The following PRKN variants were observed in gnomAD, a reference collection of about 807,000 sequenced individuals.
PRKN encodes the protein E3 ubiquitin-protein ligase parkin.
A neutral mutation model predicts 59.5 loss-of-function variants in PRKN; 56 were observed. That is an observed-to-expected ratio of 0.94 (90% CI 0.76 to 1.18). PRKN has a LOEUF of 1.18. Ranked by LOEUF, PRKN falls within the 50% of genes most tolerant of loss-of-function variation. The pLI is 0.00. For missense variants in PRKN, 657 were observed against 596.4 expected (o/e 1.10, Z -1.06); for synonymous variants, 250 against 222.1 (o/e 1.13, Z -1.12).
Position 161,550,723 on chromosome 6 carries a change from A to ATGTGTGTGTGTGCACG in PRKN, c.934-1736_934-1721dup, listed in dbSNP as rs1554275141. Reference sequence around the variant, plus strand: ...GGACAACTGTGGTAGAAGAAAGGGTATGTGTGTGTGTGCACGTGTGTGTGT... The same window carrying ATGTGTGTGTGTGCACG: ...GGACAACTGTGGTAGAAGAAAGGGTATGTGTGTGTGTGCACGTGTGTGTGTGTGCACGTGTGTGTGT... On this transcript the variant is annotated intron_variant, in intron 8 of 11. Coordinates refer to ENST00000366898, the MANE Select transcript of PRKN (RefSeq NM_004562.3). The surrounding 1 kb of genome is among the most constrained non-coding windows in gnomAD (Gnocchi z 4.0). Among the ~76,000 whole-genome samples the ATGTGTGTGTGTGCACG allele has an allele frequency of 6.7e-4, 80 of 119,350 alleles. 1 individual carries two copies. Among genetic ancestry groups the ATGTGTGTGTGTGCACG allele is most frequent in the Middle Eastern group, 4.2e-3 (1 of 240 alleles). The allele number at this position is 119,350 out of a possible 152,430, so 78.3% of individuals were successfully genotyped here.
chr6:162,218,818 C>T (rs1174920935), intron 3 of PRKN, among the ~76,000 whole-genome samples: 3 of 152,016 alleles, frequency 2.0e-5, no homozygotes, highest in Non-Finnish European at 4.4e-5. Context: ...TCCGTGGCAG[C>T]GAATTAAAGA....
chr6:162,685,388 AG>A, intron 1 of PRKN, among the ~76,000 whole-genome samples: 1 of 152,264 alleles, frequency 6.6e-6, no homozygotes, highest in East Asian at 1.9e-4. Context: ...TATTCAGAAA[AG>A]TATATATTTT....
At chr6:161,897,772 G>C (rs1300032554) in intron 6 of PRKN, among the ~76,000 whole-genome samples, 1 of 150,868 alleles carries the variant, frequency 6.6e-6, no homozygotes, top group Non-Finnish European at 1.5e-5. Context: ...ACGAGGTCAG[G>C]AGATCGAGAC....
At chr6:161,833,240 G>GA (rs199760391) in intron 6 of PRKN, among the ~76,000 whole-genome samples, 5,347 of 152,214 alleles carry the variant, frequency 0.035, 307 homozygotes, top group African/African-American at 0.12. Flanking sequence ...GTGATCCCTG[G>GA]AATGGGGCAC....
rs1778996598 is a variant in PRKN, at chr6:161,525,802, T to A, written c.1083+23052A>T. Among the ~76,000 whole-genome samples, 3 of 152,204 alleles carry A rather than the reference T, an allele frequency of 2.0e-5. No homozygotes were observed. Among genetic ancestry groups the A allele is most frequent in the African/African-American group, 7.2e-5 (3 of 41,458 alleles). On this transcript the variant is annotated intron_variant, in intron 9 of 11. Transcript: ENST00000366898. This position sits in a 1 kb window ranked among gnomAD's most constrained non-coding sequence, Gnocchi z 4.7. ...AATTATAGATGCTAAAAATGTTCTG[T>A]ATACTACTTGGCTATAGAATAGCCT...
chr6:162,288,097 G>A (rs1299758687), intron 2 of PRKN, among the ~76,000 whole-genome samples: 1 of 152,138 alleles, frequency 6.6e-6, no homozygotes, highest in Non-Finnish European at 1.5e-5. Flanking sequence ...AAGCCCCACT[G>A]ACGGAAGCAC....
At chr6:162,543,656 C>A (rs757201058) in intron 1 of PRKN, among the ~76,000 whole-genome samples, 4 of 152,082 alleles carry the variant, frequency 2.6e-5, no homozygotes, top group Non-Finnish European at 5.9e-5. Context: ...ATTACTCAGA[C>A]CCTGTCACAC....
At position 161,460,573 on chromosome 6, in the gene PRKN, C is replaced by T. The variant is rs2115161734; in HGVS notation, c.1084-73696G>A. On this transcript the variant is annotated intron_variant, in intron 9 of 11. Transcript: ENST00000366898. This position sits in a 1 kb window ranked among gnomAD's most constrained non-coding sequence, Gnocchi z 5.0. The stretch of plus-strand genomic sequence containing the variant: ...TAAGGAGCAATGCTGGGGTAGAAGC[C>T]CCAGGTGCCACATGTGCTGGCAGGA... 6.6e-6 allele frequency among the ~76,000 whole-genome samples: 1 copy of T among 152,068 alleles called. No homozygotes were observed. The highest frequency in any genetic ancestry group is 3.4e-3 in the Middle Eastern group (1 of 294).
chr6:161,374,841 A>G (rs971749302), intron 10 of PRKN, among the ~76,000 whole-genome samples: 1 of 152,148 alleles, frequency 6.6e-6, no homozygotes, highest in Non-Finnish European at 1.5e-5. Flanking sequence ...AGTCTAGTAC[A>G]CAGGGTATAC....
At chr6:162,660,015 T>C (rs1254952934) in intron 1 of PRKN, among the ~76,000 whole-genome samples, 1 of 152,192 alleles carries the variant, frequency 6.6e-6, no homozygotes, top group Non-Finnish European at 1.5e-5. Flanking sequence ...CACTCTATTT[T>C]ATGATAATCC....
At chr6:161,848,131 T>G (rs572244911) in intron 6 of PRKN, among the ~76,000 whole-genome samples, 1 of 152,226 alleles carries the variant, frequency 6.6e-6, no homozygotes, top group Non-Finnish European at 1.5e-5. Flanking sequence ...GACTATTCAT[T>G]AGCATTTGTG....
At chr6:162,490,571 T>C (rs1405121246) in intron 1 of PRKN, among the ~76,000 whole-genome samples, 1 of 152,234 alleles carries the variant, frequency 6.6e-6, no homozygotes, top group Non-Finnish European at 1.5e-5. Flanking sequence ...CAAAGTATTC[T>C]ACCTTTTTTC....
chr6:161,389,515 T>C (rs892750347), intron 9 of PRKN, among the ~76,000 whole-genome samples: 1 of 152,196 alleles, frequency 6.6e-6, no homozygotes, highest in Non-Finnish European at 1.5e-5. Context: ...ATCACCAACA[T>C]TACCTGGTTT....
At chr6:162,487,423 C>CCCAGGTTGTCATCT (rs1453550832) in intron 1 of PRKN, among the ~76,000 whole-genome samples, 7 of 152,132 alleles carry the variant, frequency 4.6e-5, no homozygotes, top group Admixed American at 6.5e-5. Flanking sequence ...AGCCTCTGTC[C>CCCAGGTTGTCATCT]CCAGGAGAGC....
rs547024851 is a variant in PRKN, at chr6:161,447,932, C to T, written c.1084-61055G>A. On this transcript the variant is annotated intron_variant, in intron 9 of 11. Coordinates refer to ENST00000366898, the MANE Select transcript of PRKN (RefSeq NM_004562.3). This position sits in a 1 kb window ranked among gnomAD's most constrained non-coding sequence, Gnocchi z 4.1. ...AGCAGGCTGTTTTTTCTCTCTGGTG[C>T]GTGACCACTGCTTCCTGATTTTTGT... Among the ~76,000 whole-genome samples, 5 of 152,254 alleles carry T rather than the reference C, an allele frequency of 3.3e-5. No homozygotes were observed. The highest frequency in any genetic ancestry group is 2.0e-4 in the Admixed American group (3 of 15,296).
chr6:162,288,802 T>C (rs1476822186), intron 2 of PRKN, among the ~76,000 whole-genome samples: 2 of 152,206 alleles, frequency 1.3e-5, no homozygotes, highest in Non-Finnish European at 2.9e-5. Flanking sequence ...CAAGGATTCT[T>C]GCCATTTGCA....
intron 4 of PRKN, among the ~76,000 whole-genome samples, chr6:162,086,989 TG>T (rs1296734927): frequency 4.6e-5 from 7 of 152,208 alleles, no homozygotes; most frequent in African/African-American, 1.7e-4. Context: ...CAAGGAAATA[TG>T]AACTTTAGAA....
chr6:161,592,028 C>A lies in PRKN; in HGVS notation c.872-22612G>T, dbSNP rs971820772. On this transcript the variant is annotated intron_variant, in intron 7 of 11. Coordinates refer to ENST00000366898, the MANE Select transcript of PRKN (RefSeq NM_004562.3). The surrounding 1 kb of genome is among the most constrained non-coding windows in gnomAD (Gnocchi z 4.8). ...ACAATGATGTAGTATTTCTATATAACCTATGCACATCCTCCCATATACTTA... is the reference window on the plus strand; with the variant it reads ...ACAATGATGTAGTATTTCTATATAAACTATGCACATCCTCCCATATACTTA... Among the ~76,000 whole-genome samples, 1 of 152,164 alleles carries A rather than the reference C, an allele frequency of 6.6e-6. No homozygotes were observed. The highest frequency in any genetic ancestry group is 1.5e-5 in the Non-Finnish European group (1 of 68,036).
At chr6:162,687,831 T>A (rs1777629382) in intron 1 of PRKN, among the ~76,000 whole-genome samples, 1 of 152,196 alleles carries the variant, frequency 6.6e-6, no homozygotes, top group South Asian at 2.1e-4. Context: ...AATTTGATTC[T>A]CAGCATGAAG....
Sources: allele counts gnomAD v4.1 joint callset (sites outside exome capture counted in the v4.1 genomes callset), GRCh38; gene constraint gnomAD v4.1.1; non-coding constraint Gnocchi (gnomAD v3.1); transcripts MANE v1.5; gene names NCBI Gene and HGNC (gene_info 2026-07-23, HGNC 2026-07-21).